Variants in GNB5 observed in about 807,000 individuals in gnomAD.
GNB5 encodes guanine nucleotide-binding protein subunit beta-5.
A neutral mutation model predicts 55.3 loss-of-function variants in GNB5; 37 were observed. That is an observed-to-expected ratio of 0.67 (90% CI 0.51 to 0.88). The LOEUF is 0.88. GNB5 is among the 40% of genes least tolerant of loss of function. GNB5 has a pLI of 0.00. For missense variants in GNB5, 476 were observed against 515.3 expected (o/e 0.92, Z 0.74); for synonymous variants, 219 against 198.5 (o/e 1.10, Z -0.87).
chr15:52,134,527 C>T (rs2033653251), intron 8 of GNB5, among the ~76,000 whole-genome samples: 1 of 152,164 alleles, frequency 6.6e-6, no homozygotes, highest in Non-Finnish European at 1.5e-5. Context: ...ATATGATCTA[C>T]AGTAATAGCA....
At chr15:52,146,771 G>A (rs1340354170) in intron 6 of GNB5, among the ~76,000 whole-genome samples, 1 of 144,650 alleles carries the variant, frequency 6.9e-6, no homozygotes, top group Admixed American at 7.0e-5. Flanking sequence ...GTAGAGACAA[G>A]GTATTATTAT....
At chr15:52,172,567 C>T (rs943562543) in intron 3 of GNB5, among the ~76,000 whole-genome samples, 3 of 151,918 alleles carry the variant, frequency 2.0e-5, no homozygotes, top group African/African-American at 7.3e-5. Flanking sequence ...ATCGCTTGAG[C>T]CCAGGAGATC....
At position 52,118,845 on chromosome 15, in the gene GNB5, G is replaced by A. The variant is rs2033194824; in HGVS notation, c.*3912C>T. The stretch of plus-strand genomic sequence containing the variant: ...AGATCGCGCCACTGCACTCCAGCCT[G>A]GGCAACAAGAGCAAAACTCCACGTA... On this transcript the variant is annotated 3_prime_UTR_variant, in exon 13 of 13. Coordinates refer to ENST00000261837, the MANE Select transcript of GNB5 (RefSeq NM_016194.4). The A allele has an allele frequency of 6.9e-6, 1 of 145,934 alleles. No individual in the cohort carries two copies. The highest frequency in any genetic ancestry group is 6.9e-5 in the Admixed American group (1 of 14,540). 9.0% of individuals were successfully genotyped at this position (145,934 alleles called of 1,614,324 possible). A position where few individuals can be genotyped will look rare whatever the true frequency, so the allele number is the denominator to read the frequency against.
rs573409135 is a variant in GNB5 at position 52,166,992 on chromosome 15, G to T, written c.238+12776C>A. ...AGACACAATCAGAAATGATAAAGGG[G>T]ATATCACCACTGACCCCACAGAAAT... On this transcript the variant is annotated intron_variant, in intron 3 of 12. Transcript: ENST00000261837. 2.3e-4 allele frequency among the ~76,000 whole-genome samples: 35 copies of T among 152,166 alleles called. No individual in the cohort carries two copies. In the East Asian group the frequency reaches 6.0e-3, roughly 26 times the overall value.
chr15:52,173,177 T>G (rs555913374), intron 3 of GNB5, among the ~76,000 whole-genome samples: 2 of 152,280 alleles, frequency 1.3e-5, no homozygotes, highest in Non-Finnish European at 2.9e-5. Context: ...AATAAATGAA[T>G]GAAAGTAATT....
intron 5 of GNB5, 143 bp downstream of exon 5, chr15:52,149,741 C>G (rs1214679818): frequency 4.2e-6 from 3 of 722,662 alleles, no homozygotes; most frequent in Non-Finnish European, 7.7e-6. Context: ...GATAGGCCTT[C>G]TTGGGGTTTC....
chr15:52,135,825 G>A, intron 7 of GNB5, 69 bp from the exon 8 acceptor site: 2 of 1,504,572 alleles, frequency 1.3e-6, no homozygotes, highest in South Asian at 2.3e-5. Context: ...GTCAATCAGA[G>A]GCTTAACGTT....
At chr15:52,125,319 T>C (rs1037485976) in intron 11 of GNB5, 2 of 152,456 alleles carry the variant, frequency 1.3e-5, no homozygotes, top group African/African-American at 2.4e-5. Context: ...TCTCGCTCTG[T>C]TGCCCAGGGT....
intron 3 of GNB5, among the ~76,000 whole-genome samples, chr15:52,174,446 A>C (rs2034610434): frequency 6.6e-6 from 1 of 152,136 alleles, no homozygotes; most frequent in Non-Finnish European, 1.5e-5. Context: ...AGAAGCAGGA[A>C]GCTCTGTGGG....
rs2034819400 is a variant in GNB5, at chr15:52,184,679, T to C, written c.-3A>G. The C allele has an allele frequency of 6.2e-7, 1 of 1,612,298 alleles. No homozygotes were observed. Among genetic ancestry groups the C allele is most frequent in the South Asian group, 1.1e-5 (1 of 90,748 alleles). Reference sequence around the variant, plus strand: ...ACGAGAAAGGTCTGATCACACATCTTTTACCCAAGATAAAGCTGAAAAAAA... The same window carrying C: ...ACGAGAAAGGTCTGATCACACATCTCTTACCCAAGATAAAGCTGAAAAAAA... On this transcript the variant is annotated 5_prime_UTR_variant, in exon 2 of 13. Transcript: ENST00000261837.
At chr15:52,124,005 CAAAAAAAAA>C (rs56008657) in intron 12 of GNB5, among the ~76,000 whole-genome samples, 2 of 84,416 alleles carry the variant, frequency 2.4e-5, no homozygotes, top group Non-Finnish European at 4.8e-5. Flanking sequence ...ATAGAAAAAC[CAAAAAAAAA>C]AAAAAAAAAA....
chr15:52,127,206 C>T (rs1033188494), intron 10 of GNB5, among the ~76,000 whole-genome samples: 6 of 152,184 alleles, frequency 3.9e-5, no homozygotes, highest in Non-Finnish European at 8.8e-5. Flanking sequence ...TCAACCCAAC[C>T]TCTGGGCATT....
At chr15:52,133,645 C>T (rs1036263323) in intron 8 of GNB5, among the ~76,000 whole-genome samples, 176 bp from the exon 9 acceptor site, 2 of 152,210 alleles carry the variant, frequency 1.3e-5, no homozygotes, top group African/African-American at 2.4e-5. Flanking sequence ...AGCCCTTAGA[C>T]GCCTAGAACT....
intron 3 of GNB5, among the ~76,000 whole-genome samples, chr15:52,174,376 G>C (rs550391411): frequency 6.6e-6 from 1 of 152,194 alleles, no homozygotes; most frequent in Non-Finnish European, 1.5e-5. Flanking sequence ...GGAATCAAGC[G>C]AGGTAGTACT....
chr15:52,184,621 T>G lies in GNB5; in HGVS notation c.56A>C (p.Lys19Thr). ...GAAAACTGGTCTCAGAGCTCGTTGT[T>G]TGAAACATTTGTCACATGAGCCAAA... ...NVFGSCDKCF[K>T]QRALRPVFKK... is the part of the protein sequence containing the mutation. The change falls in exon 2 of 13, where the codon AAA becomes ACA. Residue 19 changes from lysine (K) to threonine (T), a missense_variant. By Grantham distance (78) the Lys-to-Thr change is moderately conservative. Transcript: ENST00000261837. 6.2e-7 allele frequency: 1 copy of G among 1,613,336 alleles called. No homozygotes were observed. The highest frequency in any genetic ancestry group is 8.5e-7 in the Non-Finnish European group (1 of 1,179,248).
Position 52,147,493 on chromosome 15 carries a change from C to T in GNB5, c.460G>A (p.Ala154Thr), listed in dbSNP as rs747999526. ...TMPCTWVMAC[A>T]YAPSGCAIAC... ...ATGGCACATCCCGATGGGGCATAAG[C>T]ACATGCCATCACCCACGTGCAGGGC... Residue 154 changes from alanine (A) to threonine (T), a missense_variant, in exon 6 of 13, where the codon GCT becomes ACT. Coordinates refer to ENST00000261837, the MANE Select transcript of GNB5 (RefSeq NM_016194.4). 1.2e-5 allele frequency: 20 copies of T among 1,608,192 alleles called. No individual in the cohort carries two copies. In the Admixed American group the frequency reaches 2.5e-4, roughly 20 times the overall value.
chr15:52,181,147 G>C (rs1012844649), intron 2 of GNB5: 11 of 152,286 alleles, frequency 7.2e-5, no homozygotes, highest in African/African-American at 2.4e-4. Flanking sequence ...CTCCCTCCCA[G>C]AGAAGCCAGC....
rs2033125967 is a variant in GNB5, at chr15:52,115,241, G to C, written c.*7516C>G. ...TGATAAATCCTCTGGAACTGCCATT[G>C]GTAACTCAACAATGATGAAAAGAAC... On this transcript the variant is annotated 3_prime_UTR_variant, in exon 13 of 13. Transcript: ENST00000261837. The C allele has an allele frequency of 6.6e-6, 1 of 152,130 alleles. No homozygotes were observed. The allele number at this position is 152,130 out of a possible 1,614,324, so 9.4% of individuals were successfully genotyped here. A position where few individuals can be genotyped will look rare whatever the true frequency, so the allele number is the denominator to read the frequency against.
intron 3 of GNB5, among the ~76,000 whole-genome samples, chr15:52,176,844 C>T (rs2034658996): frequency 6.6e-6 from 1 of 152,128 alleles, no homozygotes; most frequent in African/African-American, 2.4e-5. Flanking sequence ...GGTTTCCCAA[C>T]TCACTGGGAG....
Sources: gnomAD v4.1 joint callset for allele counts (sites outside exome capture counted in the v4.1 genomes callset) on GRCh38, gnomAD v4.1.1 for gene constraint, MANE v1.5 for transcripts, NCBI Gene and HGNC (gene_info 2026-07-23, HGNC 2026-07-21) for gene names.